The following MGA variants were observed in gnomAD, a reference collection of about 807,000 sequenced individuals.
The protein encoded by MGA is MAX gene-associated protein.
In MGA, 40 loss-of-function variants were observed where a neutral mutation model predicts 261.1. The ratio of observed to expected loss-of-function variants is 0.15; its 90% CI spans 0.12 to 0.20. The LOEUF (loss-of-function observed/expected upper bound fraction) is 0.20. Among genes scored for constraint, MGA ranks in the 10% least tolerant of loss-of-function variants. The pLI is 1.00. For synonymous variants in MGA, 1,302 were observed against 1,290.6 expected, an observed-to-expected ratio of 1.01 and a Z score of -0.19; for missense variants, 3,397 against 3,630.5, an observed-to-expected ratio of 0.94 and a Z score of 1.65.
chr15:41,739,941 A>G (rs980336718), intron 13 of MGA: 11 of 1,612,488 alleles, frequency 6.8e-6, no homozygotes, highest in Middle Eastern at 1.7e-4. Flanking sequence ...CTAAGTTGCT[A>G]TTGGGACAGA....
upstream of MGA, among the ~76,000 whole-genome samples, chr15:41,660,166 C>G (rs2057304858): frequency 6.6e-6 from 1 of 152,224 alleles, no homozygotes; most frequent in African/African-American, 2.4e-5. Context: ...GTTTAGGTGC[C>G]TCCCTCCTGC....
rs373832022 is a variant in MGA, at chr15:41,766,178, G to T, written c.8096G>T (p.Gly2699Val). 1.2e-6 allele frequency: 2 copies of T among 1,613,950 alleles called. No homozygotes were observed. Among genetic ancestry groups the T allele is most frequent in the South Asian group, 2.2e-5 (2 of 91,078 alleles). Reference sequence around the variant, plus strand: ...GAAGATAATTCCTTAGAGGATAAGGGTAGAATCTCTTCCAGAGGAAACAGA... The same window carrying T: ...GAAGATAATTCCTTAGAGGATAAGGTTAGAATCTCTTCCAGAGGAAACAGA... The change falls in exon 24 of 24, where the codon GGT (glycine) becomes GTT (valine). Residue 2699 changes from glycine to valine, a missense_variant. Gly to Val is a moderately radical substitution (Grantham distance 109). Coordinates refer to ENST00000219905, the MANE Select transcript of MGA (RefSeq NM_001164273.2).
chr15:41,691,960 G>C (rs771722420), intron 2 of MGA, among the ~76,000 whole-genome samples: 3 of 151,786 alleles, frequency 2.0e-5, no homozygotes, highest in Non-Finnish European at 2.9e-5. Context: ...TGGATCTGTG[G>C]GTTAAAATCT....
Position 41,761,763 on chromosome 15 carries a change from A to G in MGA, c.7423A>G (p.Thr2475Ala), listed in dbSNP as rs372767911. The change falls in exon 21 of 24, where the codon ACA becomes GCA. Residue 2475 changes from threonine to alanine, a missense_variant. Thr to Ala is a moderately conservative substitution (Grantham distance 58, BLOSUM62 0). Transcript: ENST00000219905. ...GGCCTTCAGTGAAATTCAGGGACTA[A>G]CAGATCAGGCAGACAAATTGATAGG... 3.8e-6 allele frequency: 6 copies of G among 1,596,442 alleles called. No homozygotes were observed. Among genetic ancestry groups the G allele is most frequent in the Non-Finnish European group, 5.1e-6 (6 of 1,170,528 alleles).
chr15:41,670,324 T>G (rs985515645), intron 2 of MGA, among the ~76,000 whole-genome samples: 1 of 151,764 alleles, frequency 6.6e-6, no homozygotes, highest in East Asian at 1.9e-4. Flanking sequence ...TATGACAACA[T>G]AGATGAGCCT....
upstream of MGA, among the ~76,000 whole-genome samples, chr15:41,657,998 T>C (rs2057242259): frequency 6.6e-6 from 1 of 152,192 alleles, no homozygotes; most frequent in Admixed American, 6.5e-5. Flanking sequence ...CTTTCCCCTA[T>C]CCTCAGCATA....
At position 41,767,875 on chromosome 15, in the gene MGA, C is replaced by T. The variant is rs1294225727; in HGVS notation, c.*595C>T. On this transcript the variant is annotated 3_prime_UTR_variant, in exon 24 of 24. Transcript: ENST00000219905. ...GCTCCCATTCCCTCACCTTTTCAAT[C>T]AGAATTAACAAATTCAAGCCTTCAG... 6.6e-6 allele frequency: 1 copy of T among 152,596 alleles called. No individual in the cohort carries two copies. Among genetic ancestry groups the T allele is most frequent in the Non-Finnish European group, 1.5e-5 (1 of 68,054 alleles). The allele number at this position is 152,596 out of a possible 1,614,324, so 9.5% of individuals were successfully genotyped here.
At chr15:41,728,072 G>A (rs1027271063) in intron 10 of MGA, among the ~76,000 whole-genome samples, 2 of 152,018 alleles carry the variant, frequency 1.3e-5, no homozygotes, top group Non-Finnish European at 2.9e-5. Context: ...GCTCACGCTT[G>A]TAATCCCAGC....
At chr15:41,734,701 C>G in intron 12 of MGA, 107 bp downstream of exon 12, 1 of 870,594 alleles carries the variant, frequency 1.1e-6, no homozygotes, top group East Asian at 3.0e-5. Context: ...TGTCTGCCTA[C>G]CCTGTTTCAA....
chr15:41,638,675 T>A (rs2056758846), intron 1 of MGA, among the ~76,000 whole-genome samples: 1 of 150,800 alleles, frequency 6.6e-6, no homozygotes, highest in Non-Finnish European at 1.5e-5. Flanking sequence ...TACCTGGCCT[T>A]TCTTTTCTTT....
At chr15:41,639,340 G>A (rs989933720) in intron 1 of MGA, among the ~76,000 whole-genome samples, 2 of 151,864 alleles carry the variant, frequency 1.3e-5, no homozygotes, top group Non-Finnish European at 2.9e-5. Flanking sequence ...CCATTCAGTT[G>A]AGAGGGAATA....
At position 41,758,955 on chromosome 15, in the gene MGA, C is replaced by T. The variant is rs573828218; in HGVS notation, c.7191+1116C>T. On this transcript the variant is annotated intron_variant, in intron 19 of 23. Transcript: ENST00000219905. ...ATAGTTAATGTTGATGCTTTTTTAA[C>T]GTTTATAACCTGTGATTAAAATATA... 3.3e-5 allele frequency among the ~76,000 whole-genome samples: 5 copies of T among 152,032 alleles called. No homozygotes were observed. The South Asian group carries it at 1.0e-3, about 32-fold the overall frequency.
chr15:41,669,512 G>A lies in MGA; in HGVS notation c.618G>A (p.Leu206=). The stretch of plus-strand genomic sequence containing the variant: ...ATCGTTACCTGCCGAGGCTTCATTT[G>A]GTGCCTGCAGAAAAGGCTGTGGAGG... The change falls in exon 2 of 24, where the codon TTG becomes TTA. Residue 206 remains leucine (L), a synonymous_variant. Coordinates refer to ENST00000219905, the MANE Select transcript of MGA (RefSeq NM_001164273.2). 1 of 1,613,952 alleles carries A rather than the reference G, an allele frequency of 6.2e-7. No individual in the cohort carries two copies. Among genetic ancestry groups the A allele is most frequent in the Non-Finnish European group, 8.5e-7 (1 of 1,179,898 alleles).
chr15:41,767,188 G>C lies in MGA; in HGVS notation c.9106G>C (p.Glu3036Gln), dbSNP rs199562851. The change falls in exon 24 of 24, where the codon GAA becomes CAA. Residue 3036 changes from glutamate (E) to glutamine (Q), a missense_variant. Glu to Gln is a conservative substitution (Grantham distance 29). Coordinates refer to ENST00000219905, the MANE Select transcript of MGA (RefSeq NM_001164273.2). Reference sequence around the variant, plus strand: ...AATGAACTTAACAGGGAATGACCAGGAAGGCCGGGAAAGCAAGGTGATGCC... The same window carrying C: ...AATGAACTTAACAGGGAATGACCAGCAAGGCCGGGAAAGCAAGGTGATGCC... 5 of 1,613,898 alleles carry C rather than the reference G, an allele frequency of 3.1e-6. No homozygotes were observed. The highest frequency in any genetic ancestry group is 2.7e-5 in the African/African-American group (2 of 74,934).
intron 2 of MGA, among the ~76,000 whole-genome samples, chr15:41,672,361 C>G (rs752087244): frequency 3.3e-5 from 5 of 152,010 alleles, no homozygotes; most frequent in Non-Finnish European, 5.9e-5. Flanking sequence ...TGCCATGTTG[C>G]CCAGGCTGGT....
chr15:41,740,289 G>A, intron 14 of MGA, 86 bp downstream of exon 14: 1 of 1,349,522 alleles, frequency 7.4e-7, no homozygotes, highest in Non-Finnish European at 1.0e-6. Context: ...GTAAAAATTA[G>A]AGAAATATGT....
In MGA at chr15:41,761,840, G is replaced by A. The variant is rs373193082; in HGVS notation, c.7500G>A (p.Ser2500=). The stretch of plus-strand genomic sequence containing the variant: ...GGAATATTCTGATACGGAAAGTATC[G>A]TCTCTTTCAGGTGAGATAAGTAAAT... Residue 2500 remains serine, a synonymous_variant, in exon 21 of 24, where the codon TCG becomes TCA. Transcript: ENST00000219905. 1.4e-5 allele frequency: 22 copies of A among 1,565,576 alleles called. No homozygotes were observed. The highest frequency in any genetic ancestry group is 1.7e-4 in the Middle Eastern group (1 of 6,036).
chr15:41,650,256 C>T (rs1381671787), intron 1 of MGA, among the ~76,000 whole-genome samples: 1 of 152,092 alleles, frequency 6.6e-6, no homozygotes, highest in African/African-American at 2.4e-5. Flanking sequence ...AAATGTTTGA[C>T]TTGAGGAATT....
chr15:41,685,759 C>T lies in MGA; in HGVS notation c.1065-10316C>T, dbSNP rs534429093. ...TTGTAATTCCAGCACTTTGGGAGGC[C>T]GAGGCGGGAGGATCAGGAGGATCAT... On this transcript the variant is annotated intron_variant, in intron 2 of 23. Transcript: ENST00000219905. Among the ~76,000 whole-genome samples the T allele has an allele frequency of 1.2e-4, 18 of 151,926 alleles. No individual in the cohort carries two copies. In the East Asian group the frequency reaches 3.1e-3, roughly 26 times the overall value.
Sources: gnomAD v4.1 joint callset for allele counts (sites outside exome capture counted in the v4.1 genomes callset) on GRCh38, gnomAD v4.1.1 for gene constraint, MANE v1.5 for transcripts, NCBI Gene and HGNC (gene_info 2026-07-23, HGNC 2026-07-21) for gene names.